ATP2B1: variants seen among roughly 807,000 people sequenced by gnomAD.
The protein encoded by ATP2B1 is plasma membrane calcium-transporting ATPase 1.
ATP2B1 carries 14 observed loss-of-function variants against 124.2 expected under a neutral mutation model. The observed-to-expected ratio is 0.11, with a 90% CI of 0.07 to 0.18. ATP2B1 has a LOEUF of 0.18. ATP2B1 is among the 10% of genes least tolerant of loss of function. ATP2B1 has a pLI of 1.00. For synonymous variants in ATP2B1, 449 were observed against 492.4 expected, an observed-to-expected ratio of 0.91 and a Z score of 1.17; for missense variants, 763 against 1,466.1, an observed-to-expected ratio of 0.52 and a Z score of 7.83.
chr12:89,650,635 G>C (rs548759831), intron 2 of ATP2B1, among the ~76,000 whole-genome samples: 169 of 152,240 alleles, frequency 1.1e-3, no homozygotes, highest in African/African-American at 3.8e-3. Flanking sequence ...ATGAAGCCAT[G>C]CCTCTTACAG....
At chr12:89,687,347 G>GCAGC (rs2136692050) in intron 1 of ATP2B1, among the ~76,000 whole-genome samples, 1 of 152,276 alleles carries the variant, frequency 6.6e-6, no homozygotes, top group Admixed American at 6.5e-5. Flanking sequence ...AATAGGCTAT[G>GCAGC]CCACATAGCT....
chr12:89,700,556 C>A (rs1891723591), intron 1 of ATP2B1, among the ~76,000 whole-genome samples: 1 of 152,130 alleles, frequency 6.6e-6, no homozygotes, highest in African/African-American at 2.4e-5. Context: ...CTAAAAAAAT[C>A]TAGATATTAG....
chr12:89,654,833 T>C (rs967190735), intron 2 of ATP2B1, among the ~76,000 whole-genome samples: 1 of 152,210 alleles, frequency 6.6e-6, no homozygotes, highest in African/African-American at 2.4e-5. Flanking sequence ...TTTAAAATTT[T>C]ACATTAATAA....
chr12:89,599,332 T>A (rs1681646362), intron 19 of ATP2B1, 33 bp from the exon 20 acceptor site: 1 of 1,602,194 alleles, frequency 6.2e-7, no homozygotes, highest in Non-Finnish European at 8.5e-7. Context: ...TAGAAATAAA[T>A]CATATCAAGT....
chr12:89,624,790 G>C (rs1367219661), intron 8 of ATP2B1, among the ~76,000 whole-genome samples: 3 of 151,944 alleles, frequency 2.0e-5, no homozygotes, highest in Admixed American at 2.0e-4. Flanking sequence ...CTCATCAATG[G>C]GGAGACCTCG....
intron 1 of ATP2B1, among the ~76,000 whole-genome samples, chr12:89,697,065 A>C (rs1390823839): frequency 5.3e-4 from 4 of 7,494 alleles, no homozygotes; most frequent in Non-Finnish European, 1.2e-3. Context: ...TACTTCCTTC[A>C]AAAAAAAAAA....
At chr12:89,677,970 A>ATATATATATATATATATATATG (rs1269182631) in intron 1 of ATP2B1, among the ~76,000 whole-genome samples, 6 of 65,636 alleles carry the variant, frequency 9.1e-5, no homozygotes, top group Non-Finnish European at 2.4e-4. Flanking sequence ...ATATATATAT[A>ATATATATATATATATATATATG]TACACACACA....
rs534720641 is a variant in ATP2B1, at chr12:89,661,728, T to C, written c.-221-5621A>G. 6.6e-5 allele frequency among the ~76,000 whole-genome samples: 10 copies of C among 152,324 alleles called. No individual in the cohort carries two copies. The South Asian group carries it at 1.7e-3, about 25-fold the overall frequency. On this transcript the variant is annotated intron_variant, in intron 1 of 20. Transcript: ENST00000428670. ...CAAAAAAGAACTCAAGAGATCTCCA[T>C]TTTCATTGTGTGTTTTTTTCTTTGT...
chr12:89,600,295 T>G (rs1022169643), intron 19 of ATP2B1, among the ~76,000 whole-genome samples: 1 of 152,212 alleles, frequency 6.6e-6, no homozygotes, highest in Non-Finnish European at 1.5e-5. Flanking sequence ...ATAAATTAGC[T>G]CATGCAAATT....
intron 2 of ATP2B1, among the ~76,000 whole-genome samples, chr12:89,652,649 C>A (rs1379926581): frequency 6.6e-6 from 1 of 152,240 alleles, no homozygotes; most frequent in African/African-American, 2.4e-5. Flanking sequence ...TGATCAGTGA[C>A]AAAATGCTTC....
At chr12:89,683,776 G>A (rs1251452770) in intron 1 of ATP2B1, among the ~76,000 whole-genome samples, 1 of 152,184 alleles carries the variant, frequency 6.6e-6, no homozygotes, top group Non-Finnish European at 1.5e-5. Flanking sequence ...GATTGCTAGA[G>A]AAGGGAATCT....
chr12:89,668,636 T>C (rs1182574113), intron 1 of ATP2B1, among the ~76,000 whole-genome samples: 2 of 152,176 alleles, frequency 1.3e-5, no homozygotes, highest in African/African-American at 4.8e-5. Context: ...AAGGAGGGAT[T>C]ACTTTCAAGA....
chr12:89,601,103 A>G (rs1303703495), intron 19 of ATP2B1, among the ~76,000 whole-genome samples: 2 of 152,178 alleles, frequency 1.3e-5, no homozygotes, highest in Non-Finnish European at 2.9e-5. Context: ...AAAAAAACAC[A>G]TAAAAAGTTA....
chr12:89,621,463 C>T, intron 10 of ATP2B1, 86 bp downstream of exon 10: 1 of 1,092,894 alleles, frequency 9.2e-7, no homozygotes, highest in Non-Finnish European at 1.2e-6. Context: ...AGTTTACATA[C>T]AGTAATGGTG....
intron 1 of ATP2B1, among the ~76,000 whole-genome samples, chr12:89,674,400 A>G (rs576317840): frequency 2.9e-4 from 44 of 152,048 alleles, no homozygotes; most frequent in Non-Finnish European, 5.3e-4. Flanking sequence ...AGGATGGGTA[A>G]ATGGGAAATG....
chr12:89,706,608 C>A (rs1212665775), intron 1 of ATP2B1, among the ~76,000 whole-genome samples: 3 of 152,070 alleles, frequency 2.0e-5, no homozygotes. Context: ...CATACAATTG[C>A]AGAAATTTCT....
At position 89,594,527 on chromosome 12, in the gene ATP2B1, C is replaced by G. The variant is rs551007563; in HGVS notation, c.3352-3232G>C. 2.9e-3 allele frequency: 430 copies of G among 149,012 alleles called. 1 individual carries two copies. Among genetic ancestry groups the G allele is most frequent in the African/African-American group, 0.01 (409 of 40,552 alleles). 9.2% of individuals were successfully genotyped at this position (149,012 alleles called of 1,614,324 possible). A position where few individuals can be genotyped will look rare whatever the true frequency, so the allele number is the denominator to read the frequency against. On this transcript the variant is annotated intron_variant, in intron 20 of 20. Transcript: ENST00000428670. ...GCATACTTATACCCCTCGAAATTAT[C>G]AGAATTAAGAAAAATTCAGTAATTC...
chr12:89,674,600 T>C (rs1036040944), intron 1 of ATP2B1, among the ~76,000 whole-genome samples: 3 of 152,204 alleles, frequency 2.0e-5, no homozygotes, highest in Admixed American at 6.5e-5. Context: ...ATGATGATGG[T>C]AACAATAGCT....
chr12:89,656,452 T>G (rs937669904), intron 1 of ATP2B1, among the ~76,000 whole-genome samples: 2 of 152,214 alleles, frequency 1.3e-5, no homozygotes, highest in African/African-American at 4.8e-5. Context: ...TTTAATCCCA[T>G]GAGGTGTTAC....
Sources: allele counts gnomAD v4.1 joint callset (sites outside exome capture counted in the v4.1 genomes callset), GRCh38; gene constraint gnomAD v4.1.1; transcripts MANE v1.5; gene names NCBI Gene and HGNC (gene_info 2026-07-23, HGNC 2026-07-21).